IL1RAPL1: variants seen among roughly 807,000 people sequenced by gnomAD.
IL1RAPL1 encodes the protein interleukin-1 receptor accessory protein-like 1.
IL1RAPL1 carries 3 observed loss-of-function variants against 48.4 expected under a neutral mutation model. The observed-to-expected ratio is 0.06, with a 90% CI of 0.03 to 0.16. IL1RAPL1 has a LOEUF of 0.16. Among genes scored for constraint, IL1RAPL1 ranks in the 10% least tolerant of loss-of-function variants. The probability of loss-of-function intolerance (pLI) is 1.00; values close to 1 mark genes in which losing one functional copy is unlikely to be tolerated. For synonymous variants in IL1RAPL1, 185 were observed against 187.7 expected (o/e 0.99, Z 0.12); for missense variants, 349 against 530.6 (o/e 0.66, Z 3.36).
intron 2 of IL1RAPL1, among the ~76,000 whole-genome samples, chrX:29,054,682 GT>G (rs1927173015): frequency 8.9e-6 from 1 of 111,968 alleles, no homozygotes; most frequent in South Asian, 3.7e-4. Context: ...TAAGTTAAAT[GT>G]TTACACTGAA....
intron 3 of IL1RAPL1, among the ~76,000 whole-genome samples, chrX:29,309,348 TA>T (rs769057257): frequency 9.0e-6 from 1 of 111,436 alleles, no homozygotes; most frequent in South Asian, 3.9e-4. Flanking sequence ...ATTAGGCTCC[TA>T]CCCTCCCACA....
chrX:28,808,538 ATAAT>A (rs1381467315), intron 2 of IL1RAPL1, among the ~76,000 whole-genome samples: 1 of 111,288 alleles, frequency 9.0e-6, no homozygotes, highest in Non-Finnish European at 1.9e-5. Flanking sequence ...TTTCATATAG[ATAAT>A]TTATACATTC....
intron 2 of IL1RAPL1, among the ~76,000 whole-genome samples, chrX:28,965,887 G>C (rs1569209690): frequency 9.0e-6 from 1 of 111,633 alleles, no homozygotes; most frequent in Admixed American, 9.6e-5. Context: ...ACAATTTATT[G>C]ATTAATTTGA....
chrX:29,827,854 T>C (rs1427863671), intron 6 of IL1RAPL1, among the ~76,000 whole-genome samples: 3 of 112,277 alleles, frequency 2.7e-5, no homozygotes, highest in Non-Finnish European at 5.6e-5. Context: ...TGGCACATAG[T>C]GTTACATAAG....
intron 3 of IL1RAPL1, among the ~76,000 whole-genome samples, chrX:29,375,155 A>G: frequency 1.2e-5 from 1 of 84,903 alleles, no homozygotes; most frequent in East Asian, 3.2e-4. Flanking sequence ...CCATATTGGG[A>G]GCAATTTTTT....
At chrX:29,075,214 G>A (rs1927644073) in intron 2 of IL1RAPL1, among the ~76,000 whole-genome samples, 1 of 111,633 alleles carries the variant, frequency 9.0e-6, no homozygotes, top group Non-Finnish European at 1.9e-5. Context: ...ATGTATCACA[G>A]TTAGGGGGGA....
intron 6 of IL1RAPL1, among the ~76,000 whole-genome samples, chrX:29,752,902 A>T (rs1329893043): frequency 8.9e-6 from 1 of 112,320 alleles, no homozygotes; most frequent in Non-Finnish European, 1.9e-5. Context: ...ATATGAGTTA[A>T]AAGACATAAT....
At chrX:29,252,129 G>T (rs779752964) in intron 2 of IL1RAPL1, among the ~76,000 whole-genome samples, 38 of 109,552 alleles carry the variant, frequency 3.5e-4, no homozygotes, top group Admixed American at 5.6e-4. Flanking sequence ...GTAAGGGGAG[G>T]GGGGAGGGAT....
intron 2 of IL1RAPL1, among the ~76,000 whole-genome samples, chrX:28,985,651 G>A (rs749338806): frequency 1.5e-4 from 16 of 107,967 alleles, no homozygotes; most frequent in African/African-American, 4.7e-4. Context: ...TTTACCTAAC[G>A]AGCACATTTT....
chrX:29,562,816 A>C (rs774467833), intron 5 of IL1RAPL1, among the ~76,000 whole-genome samples: 19 of 111,979 alleles, frequency 1.7e-4, no homozygotes, highest in Non-Finnish European at 3.0e-4. Context: ...AGTTAGTGGC[A>C]ATCATAAAAA....
intron 5 of IL1RAPL1, among the ~76,000 whole-genome samples, chrX:29,662,933 C>T (rs1250430686): frequency 8.9e-6 from 1 of 111,820 alleles, no homozygotes; most frequent in African/African-American, 3.3e-5. Flanking sequence ...GTTGCCAACC[C>T]CAAAGCATTA....
chrX:29,076,620 C>G (rs1189692684), intron 2 of IL1RAPL1, among the ~76,000 whole-genome samples: 1 of 109,688 alleles, frequency 9.1e-6, no homozygotes, highest in Admixed American at 9.7e-5. Flanking sequence ...TCATTCCATT[C>G]CATTCCATTC....
intron 1 of IL1RAPL1, among the ~76,000 whole-genome samples, chrX:28,775,728 A>T (rs1331874399): frequency 8.9e-6 from 1 of 111,844 alleles, no homozygotes; most frequent in Non-Finnish European, 1.9e-5. Flanking sequence ...ACTTAGTTCC[A>T]CTCTCACCCT....
intron 2 of IL1RAPL1, among the ~76,000 whole-genome samples, chrX:29,023,032 A>T (rs1210793864): frequency 8.9e-6 from 1 of 112,222 alleles, no homozygotes; most frequent in Non-Finnish European, 1.9e-5. Flanking sequence ...GTTACTAAAA[A>T]TTACAGCTGA....
At chrX:29,421,375 G>T (rs1252384644) in intron 5 of IL1RAPL1, among the ~76,000 whole-genome samples, 2 of 110,961 alleles carry the variant, frequency 1.8e-5, no homozygotes, top group Non-Finnish European at 3.8e-5. Flanking sequence ...GCTGCAAAGG[G>T]CATGAACTTC....
intron 1 of IL1RAPL1, among the ~76,000 whole-genome samples, chrX:28,778,399 G>C (rs974697139): frequency 1.8e-5 from 2 of 111,511 alleles, no homozygotes; most frequent in African/African-American, 3.3e-5. Context: ...CTAGGATCAT[G>C]TTTGCAGCCT....
At chrX:29,316,801 G>C (rs1371114838) in intron 3 of IL1RAPL1, among the ~76,000 whole-genome samples, 1 of 111,868 alleles carries the variant, frequency 8.9e-6, no homozygotes, top group Non-Finnish European at 1.9e-5. Flanking sequence ...GTGACCTGTA[G>C]GGGTGTGCGA....
intron 2 of IL1RAPL1, among the ~76,000 whole-genome samples, chrX:29,134,752 T>A (rs1929090734): frequency 9.0e-6 from 1 of 111,330 alleles, no homozygotes; most frequent in Non-Finnish European, 1.9e-5. Context: ...TTCAGGCTCC[T>A]TTGGTAAAGT....
At chrX:29,331,489 T>C (rs1932885071) in intron 3 of IL1RAPL1, among the ~76,000 whole-genome samples, 2 of 111,746 alleles carry the variant, frequency 1.8e-5, no homozygotes, top group African/African-American at 6.5e-5. Context: ...AGACAAAATA[T>C]CTTGTCAGAG....
Sources: allele counts gnomAD v4.1 joint callset (sites outside exome capture counted in the v4.1 genomes callset), GRCh38; gene constraint gnomAD v4.1.1; transcripts MANE v1.5; gene names NCBI Gene and HGNC (gene_info 2026-07-23, HGNC 2026-07-21).